The following PTGIS variants were observed in gnomAD, a reference collection of about 807,000 sequenced individuals.
The protein encoded by PTGIS is prostacyclin synthase.
PTGIS carries 45 observed loss-of-function variants against 50.3 expected under a neutral mutation model. That is an observed-to-expected ratio of 0.90 (90% confidence interval 0.70 to 1.15). The LOEUF (loss-of-function observed/expected upper bound fraction) is 1.15. PTGIS is among the 50% of genes most tolerant of loss of function. The pLI, the probability that PTGIS is intolerant of heterozygous loss-of-function variation, is 0.00. For missense variants in PTGIS, 668 were observed against 661.3 expected, an observed-to-expected ratio of 1.01 and a Z score of -0.11; for synonymous variants, 260 against 267.7, an observed-to-expected ratio of 0.97 and a Z score of 0.28.
intron 5 of PTGIS, among the ~76,000 whole-genome samples, chr20:49,534,407 G>A (rs748780831): frequency 2.6e-5 from 4 of 152,182 alleles, no homozygotes; most frequent in African/African-American, 4.8e-5. Context: ...AGAAATCACC[G>A]TCCCACATTG....
At chr20:49,535,672 G>T (rs1982050307) in intron 5 of PTGIS, among the ~76,000 whole-genome samples, 1 of 152,152 alleles carries the variant, frequency 6.6e-6, no homozygotes, top group African/African-American at 2.4e-5. Flanking sequence ...TTGCCGCCAT[G>T]CCCGGCTAAT....
rs201680738 is a variant in PTGIS at position 49,547,969 on chromosome 20, G to A, written c.249C>T (p.Tyr83=). 8.7e-5 allele frequency: 141 copies of A among 1,614,082 alleles called. 1 individual carries two copies. Among genetic ancestry groups the A allele is most frequent in the South Asian group, 4.2e-4 (38 of 91,062 alleles). ...TGCGAGGCTCCCACACCACCGCGTC[G>A]TAGGAGTGTGGGTCCAGGAGAACGG... The part of the protein sequence containing the change: ...YVTVLLDPHS[Y]DAVVWEPRTR... The change falls in exon 3 of 10, where the codon TAC becomes TAT. Residue 83 remains tyrosine, a synonymous_variant. Coordinates refer to ENST00000244043, the MANE Select transcript of PTGIS (RefSeq NM_000961.4).
chr20:49,521,858 C>T (rs1285829218), intron 6 of PTGIS, among the ~76,000 whole-genome samples: 1 of 152,112 alleles, frequency 6.6e-6, no homozygotes, highest in East Asian at 1.9e-4. Context: ...TACCATCTTT[C>T]TCTCACTCCA....
At chr20:49,526,449 C>A (rs1818740271) in intron 5 of PTGIS, among the ~76,000 whole-genome samples, 1 of 152,194 alleles carries the variant, frequency 6.6e-6, no homozygotes, top group Admixed American at 6.5e-5. Flanking sequence ...TCCCCTGTGC[C>A]TACAGCAGTT....
chr20:49,524,685 T>C (rs1981751007), intron 5 of PTGIS, among the ~76,000 whole-genome samples: 1 of 152,130 alleles, frequency 6.6e-6, no homozygotes, highest in South Asian at 2.1e-4. Flanking sequence ...CTCATAATCA[T>C]AGTGGAAGGT....
intron 6 of PTGIS, among the ~76,000 whole-genome samples, chr20:49,515,971 C>T (rs1169626065): frequency 6.6e-6 from 1 of 151,966 alleles, no homozygotes; most frequent in Non-Finnish European, 1.5e-5. Flanking sequence ...GCCTCGACCT[C>T]CTAGGCTCAA....
At chr20:49,550,212 C>A in intron 1 of PTGIS, 23 bp from the exon 2 acceptor site, 1 of 1,610,154 alleles carries the variant, frequency 6.2e-7, no homozygotes, top group South Asian at 1.1e-5. Context: ...TGGCACTTGT[C>A]ACCATTTGAT....
chr20:49,510,998 A>ACCCTGGCCCTG (rs756020893), intron 9 of PTGIS, 30 bp downstream of exon 9: 2 of 1,607,718 alleles, frequency 1.2e-6, no homozygotes, highest in South Asian at 1.1e-5. Context: ...ATCAGGAGCC[A>ACCCTGGCCCTG]CCCTGGCCCT....
At chr20:49,551,691 A>G (rs1357130507) in intron 1 of PTGIS, among the ~76,000 whole-genome samples, 1 of 151,940 alleles carries the variant, frequency 6.6e-6, no homozygotes. Context: ...CTCAGAATAA[A>G]TCTCCTCAAA....
intron 1 of PTGIS, among the ~76,000 whole-genome samples, chr20:49,552,038 G>T (rs1379452211): frequency 6.6e-6 from 1 of 152,046 alleles, no homozygotes; most frequent in Non-Finnish European, 1.5e-5. Context: ...AACAGAGAAG[G>T]TGCCAGACTC....
chr20:49,563,800 C>T (rs990787251), intron 1 of PTGIS, among the ~76,000 whole-genome samples: 20 of 152,212 alleles, frequency 1.3e-4, no homozygotes, highest in African/African-American at 4.1e-4. Flanking sequence ...CAGTGACCCT[C>T]GCTTGATGCC....
In PTGIS at chr20:49,540,662, T is replaced by TACGCACACGCACACGCAC. The variant is rs200759726; in HGVS notation, c.522-959_522-942dup. On this transcript the variant is annotated intron_variant, in intron 4 of 9. Coordinates refer to ENST00000244043, the MANE Select transcript of PTGIS (RefSeq NM_000961.4). The surrounding 1 kb of genome is among the most constrained non-coding windows in gnomAD (Gnocchi z 4.8). ...TCATGTGCTCTCACTGAGGCACACT[T>TACGCACACGCACACGCAC]ACGCACACGCACACGCACACACACA... 2.0e-5 allele frequency among the ~76,000 whole-genome samples: 3 copies of TACGCACACGCACACGCAC among 151,964 alleles called. No homozygotes were observed. Among genetic ancestry groups the TACGCACACGCACACGCAC allele is most frequent in the African/African-American group, 7.2e-5 (3 of 41,388 alleles).
intron 1 of PTGIS, among the ~76,000 whole-genome samples, chr20:49,552,659 G>C (rs752489048): frequency 4.6e-5 from 7 of 152,120 alleles, no homozygotes; most frequent in Non-Finnish European, 1.0e-4. Context: ...CAAGAAATTG[G>C]AAGTCTAAGA....
chr20:49,565,214 C>T (rs144080577), intron 1 of PTGIS, among the ~76,000 whole-genome samples: 150 of 151,864 alleles, frequency 9.9e-4, no homozygotes, highest in African/African-American at 3.5e-3. Flanking sequence ...ATCTCCTGAC[C>T]TCGTGATCCG....
chr20:49,549,436 A>G (rs1982448917), intron 2 of PTGIS, among the ~76,000 whole-genome samples: 1 of 152,170 alleles, frequency 6.6e-6, no homozygotes, highest in Non-Finnish European at 1.5e-5. Context: ...TTTTCCCCCA[A>G]ATATTTTCAA....
intron 5 of PTGIS, among the ~76,000 whole-genome samples, chr20:49,536,477 TC>T (rs71780972): frequency 0.011 from 1,515 of 134,704 alleles, 41 homozygotes; most frequent in African/African-American, 0.042. Context: ...TTTCTTTCTT[TC>T]TTTTTTTTTT....
At chr20:49,546,777 G>A (rs1982371944) in intron 3 of PTGIS, among the ~76,000 whole-genome samples, 1 of 152,212 alleles carries the variant, frequency 6.6e-6, no homozygotes, top group South Asian at 2.1e-4. Context: ...ATGAAAGTGA[G>A]CCTATCAGAC....
intron 1 of PTGIS, 37 bp downstream of exon 1, chr20:49,568,006 C>G (rs1318407163): frequency 6.1e-6 from 9 of 1,465,520 alleles, no homozygotes; most frequent in Non-Finnish European, 8.1e-6. Flanking sequence ...GAGCCGCCCC[C>G]TTTGTCTGGC....
chr20:49,555,130 G>A (rs1304791328), intron 1 of PTGIS, among the ~76,000 whole-genome samples: 1 of 152,130 alleles, frequency 6.6e-6, no homozygotes, highest in African/African-American at 2.4e-5. Flanking sequence ...AAAATTGGCT[G>A]GGTGTGGTGG....
Sources: gnomAD v4.1 joint callset for allele counts (sites outside exome capture counted in the v4.1 genomes callset) on GRCh38, gnomAD v4.1.1 for gene constraint, Gnocchi (gnomAD v3.1) non-coding constraint, MANE v1.5 for transcripts, NCBI Gene and HGNC (gene_info 2026-07-23, HGNC 2026-07-21) for gene names.